ARNT2: variants seen among roughly 807,000 people sequenced by gnomAD.
ARNT2 encodes aryl hydrocarbon receptor nuclear translocator 2.
Under a neutral mutation model 91.7 loss-of-function variants are expected in ARNT2, and 36 were observed. The observed-to-expected ratio is 0.39, with a 90% CI of 0.30 to 0.52. The LOEUF (loss-of-function observed/expected upper bound fraction) is 0.52. Ranked by LOEUF, ARNT2 falls within the 20% of genes least tolerant of loss-of-function variation. The pLI is 0.72. For synonymous variants in ARNT2, 365 were observed against 347.1 expected, an observed-to-expected ratio of 1.05 and a Z score of -0.57; for missense variants, 775 against 939.3, an observed-to-expected ratio of 0.83 and a Z score of 2.29.
intron 5 of ARNT2, among the ~76,000 whole-genome samples, chr15:80,496,378 G>C (rs1409324333): frequency 6.6e-6 from 1 of 152,194 alleles, no homozygotes; most frequent in Non-Finnish European, 1.5e-5. Context: ...GGTAGGTAGA[G>C]TTTGACACAG....
chr15:80,416,531 T>C (rs1232311295), intron 1 of ARNT2, among the ~76,000 whole-genome samples: 1 of 152,236 alleles, frequency 6.6e-6, no homozygotes, highest in East Asian at 1.9e-4. Context: ...AAAAAAATGA[T>C]TTTTCAAGTT....
chr15:80,517,806 AT>A (rs1897464973), intron 8 of ARNT2, among the ~76,000 whole-genome samples: 1 of 151,986 alleles, frequency 6.6e-6, no homozygotes, highest in East Asian at 1.9e-4. Flanking sequence ...GGCCTTCTTC[AT>A]TTCCATCACA....
chr15:80,560,701 G>A (rs1898323179), intron 11 of ARNT2, among the ~76,000 whole-genome samples: 2 of 152,174 alleles, frequency 1.3e-5, no homozygotes, highest in African/African-American at 4.8e-5. Context: ...CCCTGTTTTT[G>A]GTGCAGACAC....
chr15:80,511,225 A>G (rs1276209920), intron 6 of ARNT2, among the ~76,000 whole-genome samples: 1 of 152,190 alleles, frequency 6.6e-6, no homozygotes, highest in East Asian at 1.9e-4. Flanking sequence ...TGTCCTTTGC[A>G]TGGATGTGGA....
chr15:80,572,707 A>G (rs919105265), intron 12 of ARNT2, among the ~76,000 whole-genome samples: 1 of 152,230 alleles, frequency 6.6e-6, no homozygotes, highest in South Asian at 2.1e-4. Flanking sequence ...ACGTAAACAA[A>G]GGAAATCCAT....
At chr15:80,574,655 C>T (rs1187497751) in intron 13 of ARNT2, among the ~76,000 whole-genome samples, 4 of 152,190 alleles carry the variant, frequency 2.6e-5, no homozygotes, top group Admixed American at 2.0e-4. Context: ...GCTCTGTCTC[C>T]TTTCCTTCTC....
At chr15:80,533,869 AGTT>A (rs1897780576) in intron 8 of ARNT2, among the ~76,000 whole-genome samples, 1 of 152,356 alleles carries the variant, frequency 6.6e-6, no homozygotes, top group African/African-American at 2.4e-5. Flanking sequence ...CAAGAGGGAC[AGTT>A]GTTGTGCCCC....
chr15:80,488,269 T>C (rs1003905957), intron 5 of ARNT2, among the ~76,000 whole-genome samples: 4 of 152,154 alleles, frequency 2.6e-5, no homozygotes, highest in African/African-American at 9.7e-5. Flanking sequence ...ATATTTTCTA[T>C]CCCACCAAAA....
At chr15:80,565,396 C>G (rs1253681037) in intron 12 of ARNT2, among the ~76,000 whole-genome samples, 1 of 152,168 alleles carries the variant, frequency 6.6e-6, no homozygotes, top group African/African-American at 2.4e-5. Context: ...GCTGGGTTGA[C>G]TGGTAATTCT....
At chr15:80,482,054 G>T (rs1308535692) in intron 5 of ARNT2, among the ~76,000 whole-genome samples, 1 of 152,172 alleles carries the variant, frequency 6.6e-6, no homozygotes, top group African/African-American at 2.4e-5. Context: ...GACTACAGGT[G>T]GGTGTCACTG....
intron 5 of ARNT2, among the ~76,000 whole-genome samples, chr15:80,478,482 C>G (rs776123826): frequency 2.6e-5 from 4 of 152,198 alleles, no homozygotes; most frequent in African/African-American, 7.2e-5. Context: ...AGAACCAGTA[C>G]AGTGGAGGGT....
intron 1 of ARNT2, among the ~76,000 whole-genome samples, chr15:80,414,276 A>G (rs1324563475): frequency 6.6e-6 from 1 of 152,206 alleles, no homozygotes; most frequent in Non-Finnish European, 1.5e-5. Context: ...GTAGAGGCCA[A>G]GGATGCTGCT....
intron 6 of ARNT2, among the ~76,000 whole-genome samples, chr15:80,511,935 C>T (rs1282470586): frequency 2.0e-5 from 3 of 152,114 alleles, no homozygotes; most frequent in Non-Finnish European, 2.9e-5. Flanking sequence ...CACTGGACCT[C>T]AGAGAGAGAA....
chr15:80,448,072 G>T (rs1204940869), intron 1 of ARNT2, among the ~76,000 whole-genome samples: 1 of 150,764 alleles, frequency 6.6e-6, no homozygotes, highest in Non-Finnish European at 1.5e-5. Context: ...TTGCTTGAGT[G>T]TTTTTTTTTC....
At chr15:80,508,829 T>C (rs1897305951) in intron 6 of ARNT2, among the ~76,000 whole-genome samples, 1 of 152,172 alleles carries the variant, frequency 6.6e-6, no homozygotes, top group Non-Finnish European at 1.5e-5. Flanking sequence ...ATTGAAGAAA[T>C]GCAGGAATGA....
chr15:80,499,652 A>G (rs1165342139), intron 5 of ARNT2, among the ~76,000 whole-genome samples: 1 of 152,238 alleles, frequency 6.6e-6, no homozygotes, highest in African/African-American at 2.4e-5. Flanking sequence ...CATTTTGCCT[A>G]TGGAGGACTC....
At chr15:80,573,726 A>G (rs796896123) in intron 12 of ARNT2, among the ~76,000 whole-genome samples, 3 of 152,330 alleles carry the variant, frequency 2.0e-5, no homozygotes, top group African/African-American at 7.2e-5. Flanking sequence ...TAATTTTAAT[A>G]TGAGGGTAGA....
intron 10 of ARNT2, chr15:80,554,732 CTTTCTT>C: frequency 5.1e-6 from 1 of 198,004 alleles, no homozygotes; most frequent in Non-Finnish European, 1.0e-5. Flanking sequence ...TATCATTTTG[CTTTCTT>C]TTTATGTTAT....
At chr15:80,514,672 A>AG (rs1402888381) in intron 8 of ARNT2, among the ~76,000 whole-genome samples, 1 of 152,202 alleles carries the variant, frequency 6.6e-6, no homozygotes, top group Non-Finnish European at 1.5e-5. Flanking sequence ...GGATCACGAG[A>AG]TCAGGAGATG....
Sources: allele counts gnomAD v4.1 joint callset (sites outside exome capture counted in the v4.1 genomes callset), GRCh38; gene constraint gnomAD v4.1.1; transcripts MANE v1.5; gene names NCBI Gene and HGNC (gene_info 2026-07-23, HGNC 2026-07-21).